AHCY: variants seen among roughly 807,000 people sequenced by gnomAD.
AHCY encodes the protein adenosylhomocysteinase.
In AHCY, 24 loss-of-function variants were observed where a neutral mutation model predicts 45.4. The observed-to-expected ratio is 0.53, with a 90% confidence interval of 0.38 to 0.74. The LOEUF is 0.74. Among genes scored for constraint, AHCY ranks in the 30% least tolerant of loss-of-function variants. The pLI is 0.00. For synonymous variants in AHCY, 245 were observed against 235.1 expected, an observed-to-expected ratio of 1.04 and a Z score of -0.39; for missense variants, 449 against 594.1, an observed-to-expected ratio of 0.76 and a Z score of 2.54.
chr20:34,270,144 C>G, the AHCY span, among the ~76,000 whole-genome samples: 1 of 151,428 alleles, frequency 6.6e-6, no homozygotes, highest in African/African-American at 2.4e-5. Context: ...CCCAGCTACT[C>G]AGGCAGCTAA....
the AHCY span, among the ~76,000 whole-genome samples, chr20:34,248,079 G>A: frequency 1.3e-5 from 2 of 152,036 alleles, no homozygotes; most frequent in Non-Finnish European, 2.9e-5. Flanking sequence ...GGTGATGGGC[G>A]CCTGTAATCC....
At chr20:34,271,280 G>A in the AHCY span, among the ~76,000 whole-genome samples, 1 of 152,102 alleles carries the variant, frequency 6.6e-6, no homozygotes, top group Non-Finnish European at 1.5e-5. Flanking sequence ...AGCCTAAAGT[G>A]CTAAGAGCAT....
At chr20:34,251,916 A>C in the AHCY span, among the ~76,000 whole-genome samples, 1 of 152,198 alleles carries the variant, frequency 6.6e-6, no homozygotes, top group Non-Finnish European at 1.5e-5. Context: ...AGCCTCCAGA[A>C]CCATGAGAAA....
chr20:34,294,591 A>C (rs971340753), intron 2 of AHCY, among the ~76,000 whole-genome samples: 1 of 152,136 alleles, frequency 6.6e-6, no homozygotes, highest in Admixed American at 6.5e-5. Context: ...TGACTCCCAG[A>C]TTCGTGAATT....
the AHCY span, among the ~76,000 whole-genome samples, chr20:34,234,639 T>C: frequency 6.6e-6 from 1 of 151,910 alleles, no homozygotes; most frequent in African/African-American, 2.4e-5. Flanking sequence ...CCATCTCTAC[T>C]AAAAATACAA....
chr20:34,269,228 G>A, the AHCY span: 16 of 1,432,642 alleles, frequency 1.1e-5, no homozygotes, highest in East Asian at 2.6e-5. Context: ...CTTCTCGGGC[G>A]GGTGATCCCT....
At chr20:34,232,841 AC>A in the AHCY span, among the ~76,000 whole-genome samples, 1 of 152,168 alleles carries the variant, frequency 6.6e-6, no homozygotes, top group Non-Finnish European at 1.5e-5. Context: ...GGTTTGACAA[AC>A]CCAGCAGCAG....
At chr20:34,269,946 T>TAAAAAAAAAAAAAAAAAAAAAAAA in the AHCY span, among the ~76,000 whole-genome samples, 7 of 59,236 alleles carry the variant, frequency 1.2e-4, no homozygotes, top group African/African-American at 4.5e-4. Flanking sequence ...AACTCTGTCT[T>TAAAAAAAAAAAAAAAAAAAAAAAA]AAAAAAAAAA....
At chr20:34,247,186 T>C in the AHCY span, among the ~76,000 whole-genome samples, 2 of 152,104 alleles carry the variant, frequency 1.3e-5, no homozygotes, top group Admixed American at 6.6e-5. Context: ...GCCTCTCTCC[T>C]AAATAGCTAT....
intron 9 of AHCY, among the ~76,000 whole-genome samples, chr20:34,284,747 C>A (rs966888820): frequency 6.6e-6 from 1 of 152,082 alleles, no homozygotes; most frequent in Non-Finnish European, 1.5e-5. Context: ...TGCTTGAACC[C>A]GGCAGGTGGA....
downstream of AHCY, among the ~76,000 whole-genome samples, chr20:34,276,025 G>A (rs1320787417): frequency 1.3e-5 from 2 of 152,034 alleles, no homozygotes; most frequent in African/African-American, 4.8e-5. Flanking sequence ...GCTGGCCTTC[G>A]TGGGGGCAAA....
intron 8 of AHCY, among the ~76,000 whole-genome samples, chr20:34,285,867 G>A (rs1016060808): frequency 1.1e-4 from 17 of 152,092 alleles, no homozygotes; most frequent in African/African-American, 3.9e-4. Flanking sequence ...TTGGAAGGCC[G>A]AGGCAGGCGG....
At chr20:34,247,797 G>A in the AHCY span, among the ~76,000 whole-genome samples, 13 of 151,838 alleles carry the variant, frequency 8.6e-5, no homozygotes, top group South Asian at 2.1e-4. Context: ...AGGTCTTGCC[G>A]TGTTGCCCAG....
chr20:34,244,861 A>G, the AHCY span, among the ~76,000 whole-genome samples: 1 of 152,236 alleles, frequency 6.6e-6, no homozygotes, highest in Non-Finnish European at 1.5e-5. Flanking sequence ...TTGAACCACA[A>G]ATTTATTAGA....
chr20:34,255,351 G>A, the AHCY span, among the ~76,000 whole-genome samples: 2 of 151,254 alleles, frequency 1.3e-5, no homozygotes, highest in African/African-American at 4.9e-5. Context: ...TTCTTTTTTG[G>A]TATGATCACA....
chr20:34,277,697 G>A (rs2035920075), downstream of AHCY, among the ~76,000 whole-genome samples: 1 of 144,862 alleles, frequency 6.9e-6, no homozygotes, highest in Admixed American at 7.0e-5. Context: ...GGAGCTTGCA[G>A]TGAGCCGAGA....
the AHCY span, among the ~76,000 whole-genome samples, chr20:34,248,569 G>A: frequency 6.6e-6 from 1 of 152,084 alleles, no homozygotes; most frequent in South Asian, 2.1e-4. Context: ...TTGGGAGGCC[G>A]AGGAGGCAGT....
At chr20:34,308,620 A>T (rs2036917987) in intron 1 of AHCY, among the ~76,000 whole-genome samples, 1 of 152,076 alleles carries the variant, frequency 6.6e-6, no homozygotes, top group Admixed American at 6.6e-5. Context: ...TATCAAGACT[A>T]GGAACCAAAT....
intron 8 of AHCY, 29 bp from the exon 9 acceptor site, chr20:34,285,663 C>T (rs764197731): frequency 1.9e-6 from 3 of 1,609,276 alleles, no homozygotes; most frequent in South Asian, 2.2e-5. Flanking sequence ...ACAGTGAAGG[C>T]AGGCAGGGCC....
Sources: gnomAD v4.1 joint callset for allele counts (sites outside exome capture counted in the v4.1 genomes callset) on GRCh38, gnomAD v4.1.1 for gene constraint, MANE v1.5 for transcripts, NCBI Gene and HGNC (gene_info 2026-07-23, HGNC 2026-07-21) for gene names.